MGAT4A: variants seen among roughly 807,000 people sequenced by gnomAD.
The protein encoded by MGAT4A is N-acetylglucosaminyltransferase IVa.
Under a neutral mutation model 74.1 loss-of-function variants are expected in MGAT4A, and 33 were observed. The ratio of observed to expected loss-of-function variants is 0.45; its 90% confidence interval spans 0.34 to 0.60. MGAT4A has a LOEUF of 0.60. Ranked by LOEUF, MGAT4A falls within the 20% of genes least tolerant of loss-of-function variation. MGAT4A has a pLI of 0.02. For missense variants in MGAT4A, 479 were observed against 628.3 expected (o/e 0.76, Z 2.54); for synonymous variants, 198 against 210.4 (o/e 0.94, Z 0.51).
chr2:98,661,956 T>A (rs1449696718), intron 5 of MGAT4A, among the ~76,000 whole-genome samples: 1 of 152,134 alleles, frequency 6.6e-6, no homozygotes, highest in African/African-American at 2.4e-5. Context: ...AAATCCAAAC[T>A]GAGACATTTT....
intron 9 of MGAT4A, among the ~76,000 whole-genome samples, chr2:98,644,296 T>C (rs1701454475): frequency 6.6e-6 from 1 of 152,210 alleles, no homozygotes; most frequent in African/African-American, 2.4e-5. Context: ...TAATAATCTA[T>C]CGTATACCTA....
intron 5 of MGAT4A, among the ~76,000 whole-genome samples, chr2:98,661,844 G>T (rs1210012677): frequency 6.6e-6 from 1 of 152,052 alleles, no homozygotes. Flanking sequence ...CCTTTCTTTT[G>T]CCCTTACCAA....
At chr2:98,659,725 C>T (rs930105670) in intron 5 of MGAT4A, among the ~76,000 whole-genome samples, 3 of 152,160 alleles carry the variant, frequency 2.0e-5, no homozygotes, top group East Asian at 1.9e-4. Context: ...ACATGCCTTT[C>T]GCCTTCTGCC....
In MGAT4A at chr2:98,625,241, T is replaced by C; in HGVS notation, c.*325A>G. 1 of 931,580 alleles carries C rather than the reference T, an allele frequency of 1.1e-6. No individual in the cohort carries two copies. The highest frequency in any genetic ancestry group is 1.3e-6 in the Non-Finnish European group (1 of 769,576). The allele number at this position is 931,580 out of a possible 1,614,324, so 57.7% of individuals were successfully genotyped here. ...AAAAGTACCCCCTTCATAAAATGTA[T>C]GTAACATTAGTTTTTCTCAAATTTA... On this transcript the variant is annotated 3_prime_UTR_variant, in exon 16 of 16. Coordinates refer to ENST00000393487, the MANE Select transcript of MGAT4A (RefSeq NM_012214.3).
rs533587099 is a variant in MGAT4A, at chr2:98,623,253, G to A, written c.*2313C>T. 2.2e-5 allele frequency: 22 copies of A among 985,378 alleles called. No individual in the cohort carries two copies. The South Asian group carries it at 8.9e-4, about 40-fold the overall frequency. 61.0% of individuals were successfully genotyped at this position (985,378 alleles called of 1,614,324 possible). On this transcript the variant is annotated 3_prime_UTR_variant, in exon 16 of 16. Coordinates refer to ENST00000393487, the MANE Select transcript of MGAT4A (RefSeq NM_012214.3). ...ACAACAGGTGGACCAATGCTGGGAG[G>A]GCAAACTGCATGAAAACAGGAAAAA... is the stretch of plus-strand genomic sequence containing the variant.
At chr2:98,702,306 C>CA (rs1038114450) in intron 2 of MGAT4A, among the ~76,000 whole-genome samples, 12 of 152,190 alleles carry the variant, frequency 7.9e-5, no homozygotes, top group African/African-American at 2.9e-4. Flanking sequence ...GTGAGAGCAG[C>CA]AAGCCCAGAG....
At chr2:98,713,413 G>A (rs1279381408) in intron 2 of MGAT4A, among the ~76,000 whole-genome samples, 1 of 150,084 alleles carries the variant, frequency 6.7e-6, no homozygotes, top group Non-Finnish European at 1.5e-5. Flanking sequence ...TTGCTTTACC[G>A]TGGTTTGAAT....
In MGAT4A at chr2:98,690,451, G is replaced by A. The variant is rs148699683; in HGVS notation, c.95-11980C>T. Among the ~76,000 whole-genome samples, 884 of 152,288 alleles carry A rather than the reference G, an allele frequency of 5.8e-3. 5 individuals carry two copies. The highest frequency in any genetic ancestry group is 0.02 in the Middle Eastern group (6 of 294). ...AATCCCTCCCTGCTGGGTACTGATG[G>A]ATGCTTTGGACTTTCATCCCATTCC... On this transcript the variant is annotated intron_variant, in intron 2 of 15. Transcript: ENST00000393487.
Position 98,708,289 on chromosome 2 carries a change from G to A in MGAT4A, c.94+17950C>T, listed in dbSNP as rs1702468641. ...CGCCAGTGAGCACAGCTGACAACAA[G>A]CTGCTTTTCAGGTCCGTGATAAAAG... On this transcript the variant is annotated intron_variant, in intron 2 of 15. Transcript: ENST00000393487. 2.6e-5 allele frequency among the ~76,000 whole-genome samples: 4 copies of A among 152,182 alleles called. No individual in the cohort carries two copies. The South Asian group carries it at 8.3e-4, about 32-fold the overall frequency.
chr2:98,653,200 C>T (rs968376116), intron 8 of MGAT4A, among the ~76,000 whole-genome samples: 1 of 143,724 alleles, frequency 7.0e-6, no homozygotes, highest in Non-Finnish European at 1.5e-5. Context: ...TAAACATTTA[C>T]ATTAAAAAAA....
chr2:98,631,684 T>C (rs1701236177), intron 14 of MGAT4A, among the ~76,000 whole-genome samples: 2 of 152,292 alleles, frequency 1.3e-5, no homozygotes, highest in South Asian at 4.1e-4. Flanking sequence ...CCATCTCCCT[T>C]CTGGCTCCCC....
intron 4 of MGAT4A, among the ~76,000 whole-genome samples, chr2:98,664,305 T>C (rs1701794996): frequency 6.6e-6 from 1 of 151,810 alleles, no homozygotes; most frequent in Admixed American, 6.6e-5. Context: ...ATAATGCTTG[T>C]TTTCAATGCA....
intron 2 of MGAT4A, among the ~76,000 whole-genome samples, chr2:98,698,177 G>A (rs547384027): frequency 6.6e-6 from 1 of 152,172 alleles, no homozygotes; most frequent in Non-Finnish European, 1.5e-5. Flanking sequence ...ACTTTGGGAG[G>A]CTAAGAGAGG....
intron 2 of MGAT4A, among the ~76,000 whole-genome samples, chr2:98,682,835 C>T (rs1376691135): frequency 6.6e-6 from 1 of 152,112 alleles, no homozygotes; most frequent in Non-Finnish European, 1.5e-5. Flanking sequence ...GCCTGTAATC[C>T]CAGCAGTTTG....
At chr2:98,630,159 G>A (rs922676203) in intron 14 of MGAT4A, among the ~76,000 whole-genome samples, 1 of 152,218 alleles carries the variant, frequency 6.6e-6, no homozygotes, top group Non-Finnish European at 1.5e-5. Context: ...GTGCACAAGT[G>A]TTCAAAGCAG....
intron 4 of MGAT4A, among the ~76,000 whole-genome samples, chr2:98,667,131 C>T (rs1173551378): frequency 6.6e-6 from 1 of 152,010 alleles, no homozygotes; most frequent in African/African-American, 2.4e-5. Flanking sequence ...TAAGATGTGA[C>T]TTGCTCCTCC....
chr2:98,643,114 A>T (rs1446133574), intron 10 of MGAT4A, among the ~76,000 whole-genome samples: 1 of 152,222 alleles, frequency 6.6e-6, no homozygotes, highest in Non-Finnish European at 1.5e-5. Flanking sequence ...CAAATAAATT[A>T]AAAGCTATAG....
intron 2 of MGAT4A, among the ~76,000 whole-genome samples, chr2:98,680,676 C>T (rs1702046772): frequency 1.3e-5 from 2 of 152,122 alleles, no homozygotes; most frequent in Admixed American, 1.3e-4. Flanking sequence ...TCCAGGGTGC[C>T]GGCTAGGTTC....
intron 8 of MGAT4A, among the ~76,000 whole-genome samples, chr2:98,647,907 T>C (rs187161412): frequency 4.1e-4 from 63 of 152,314 alleles, no homozygotes; most frequent in African/African-American, 1.3e-3. Context: ...TCCCAAACCA[T>C]GCAAACCTGG....
Sources: allele counts gnomAD v4.1 joint callset (sites outside exome capture counted in the v4.1 genomes callset), GRCh38; gene constraint gnomAD v4.1.1; transcripts MANE v1.5; gene names NCBI Gene and HGNC (gene_info 2026-07-23, HGNC 2026-07-21).